The following FBXO15 variants were observed in gnomAD, a reference collection of about 807,000 sequenced individuals.
FBXO15 encodes the protein F-box only protein 15.
FBXO15 carries 30 observed loss-of-function variants against 49.5 expected under a neutral mutation model. The observed-to-expected ratio is 0.61, with a 90% confidence interval of 0.45 to 0.82. The LOEUF (loss-of-function observed/expected upper bound fraction) is 0.82, where lower values mean the gene tolerates loss of function less well. Among genes scored for constraint, FBXO15 ranks in the 40% least tolerant of loss-of-function variants. The pLI is 0.00. For missense variants in FBXO15, 591 were observed against 631.5 expected, an observed-to-expected ratio of 0.94 and a Z score of 0.69; for synonymous variants, 250 against 232.7, an observed-to-expected ratio of 1.07 and a Z score of -0.68.
chr18:74,106,051 AG>A (rs1220091952), intron 8 of FBXO15, among the ~76,000 whole-genome samples: 13 of 152,158 alleles, frequency 8.5e-5, no homozygotes, highest in Admixed American at 8.5e-4. Context: ...GAACAAGAAA[AG>A]CTTGAAGTAT....
chr18:74,109,380 G>C (rs922469669), intron 8 of FBXO15, among the ~76,000 whole-genome samples: 5 of 152,188 alleles, frequency 3.3e-5, no homozygotes, highest in Non-Finnish European at 7.3e-5. Flanking sequence ...CACTGTTGGT[G>C]GGAGTGTAAA....
At chr18:74,073,817 G>T in intron 9 of FBXO15, 87 bp from the exon 10 acceptor site, 1 of 1,477,008 alleles carries the variant, frequency 6.8e-7, no homozygotes, top group Non-Finnish European at 9.1e-7. Flanking sequence ...AAACTCACTA[G>T]AAATGCTGCG....
intron 8 of FBXO15, among the ~76,000 whole-genome samples, chr18:74,116,657 C>T (rs1914245611): frequency 6.6e-6 from 1 of 152,144 alleles, no homozygotes. Flanking sequence ...CCTGGTGTGC[C>T]CTTCCTCAGA....
intron 8 of FBXO15, among the ~76,000 whole-genome samples, chr18:74,109,885 G>T (rs533929849): frequency 6.6e-6 from 1 of 151,968 alleles, no homozygotes; most frequent in Non-Finnish European, 1.5e-5. Context: ...TGTAGATGAC[G>T]AGTTGATGAG....
intron 8 of FBXO15, chr18:74,123,119 T>C (rs1410409739): frequency 2.6e-6 from 1 of 386,326 alleles, no homozygotes; most frequent in Non-Finnish European, 4.6e-6. Flanking sequence ...GTAGAGAAGA[T>C]GAGTAGGGGC....
At chr18:74,131,112 T>C (rs1048203337) in intron 3 of FBXO15, among the ~76,000 whole-genome samples, 2 of 152,128 alleles carry the variant, frequency 1.3e-5, no homozygotes. Flanking sequence ...TGAACACTCT[T>C]TTTGCTATTT....
intron 8 of FBXO15, among the ~76,000 whole-genome samples, chr18:74,110,922 T>C (rs763325458): frequency 3.3e-5 from 5 of 152,120 alleles, no homozygotes; most frequent in Non-Finnish European, 7.4e-5. Context: ...CAAAAACTAA[T>C]AGAACAGCAA....
chr18:74,117,157 GAT>G (rs1158920480), intron 8 of FBXO15, among the ~76,000 whole-genome samples: 1 of 152,016 alleles, frequency 6.6e-6, no homozygotes, highest in Non-Finnish European at 1.5e-5. Context: ...AAGACACTCT[GAT>G]GGCAACAGCA....
chr18:74,095,479 G>A (rs1599145502), intron 8 of FBXO15, among the ~76,000 whole-genome samples: 1 of 152,176 alleles, frequency 6.6e-6, no homozygotes, highest in Non-Finnish European at 1.5e-5. Context: ...AGAAAGGCCT[G>A]AGGGGAGGGA....
Position 74,147,516 on chromosome 18 carries a change from AT to A in FBXO15, c.116+153del, listed in dbSNP as rs1979513530. 1.4e-5 allele frequency: 18 copies of A among 1,256,442 alleles called. No individual in the cohort carries two copies. In the East Asian group the frequency reaches 5.4e-4, roughly 37 times the overall value. The allele number at this position is 1,256,442 out of a possible 1,614,324, so 77.8% of individuals were successfully genotyped here. ...TACCCCACGTTGCAGGGTAGAAAGG[AT>A]TTCCTCCGGTCGTTCTTCCATACCC... On this transcript the variant is annotated intron_variant, in intron 1 of 9. Transcript: ENST00000419743.
intron 8 of FBXO15, among the ~76,000 whole-genome samples, chr18:74,084,588 A>T (rs1310024628): frequency 6.6e-6 from 1 of 152,224 alleles, no homozygotes; most frequent in African/African-American, 2.4e-5. Context: ...GCCTTCATTA[A>T]ATTCCCGTGC....
intron 8 of FBXO15, among the ~76,000 whole-genome samples, chr18:74,084,318 G>A (rs1217013167): frequency 6.6e-6 from 1 of 152,194 alleles, no homozygotes; most frequent in African/African-American, 2.4e-5. Flanking sequence ...CACTGGTGAT[G>A]CAGGCTCCTT....
Position 74,094,633 on chromosome 18 carries a change from T to C in FBXO15, c.1139-12582A>G, listed in dbSNP as rs142828132. On this transcript the variant is annotated intron_variant, in intron 8 of 9. Coordinates refer to ENST00000419743, the MANE Select transcript of FBXO15 (RefSeq NM_001142958.2). ...CAGTAAACCATGCTATAAACAGATA[T>C]GCTGTCATCTCGGCTGTGTTGTCTC... Among the ~76,000 whole-genome samples, 452 of 152,350 alleles carry C rather than the reference T, an allele frequency of 3.0e-3. 3 individuals carry two copies. Among genetic ancestry groups the C allele is most frequent in the Non-Finnish European group, 3.3e-3 (223 of 68,038 alleles).
chr18:74,147,523 C>A, intron 1 of FBXO15, 147 bp downstream of exon 1: 1 of 1,258,108 alleles, frequency 7.9e-7, no homozygotes, highest in Non-Finnish European at 1.0e-6. Context: ...AGGATTTCCT[C>A]CGGTCGTTCT....
At chr18:74,131,916 A>G (rs1331910373) in intron 3 of FBXO15, among the ~76,000 whole-genome samples, 1 of 152,148 alleles carries the variant, frequency 6.6e-6, no homozygotes, top group East Asian at 1.9e-4. Context: ...TATTTCCTTA[A>G]CCACAGCAGA....
intron 9 of FBXO15, among the ~76,000 whole-genome samples, chr18:74,079,075 T>C (rs938382988): frequency 6.6e-6 from 1 of 152,204 alleles, no homozygotes; most frequent in African/African-American, 2.4e-5. Context: ...TACACTGAAA[T>C]ATCTAGTCTA....
intron 8 of FBXO15, among the ~76,000 whole-genome samples, chr18:74,107,089 C>A (rs1225599117): frequency 6.6e-6 from 1 of 151,454 alleles, no homozygotes; most frequent in Admixed American, 6.6e-5. Flanking sequence ...TCTACATATT[C>A]TGAATTTTCA....
chr18:74,111,111 T>C (rs1005939356), intron 8 of FBXO15, among the ~76,000 whole-genome samples: 4 of 151,938 alleles, frequency 2.6e-5, no homozygotes, highest in African/African-American at 9.7e-5. Context: ...GAATGCACAT[T>C]CTTCTCAAGC....
At position 74,129,307 on chromosome 18, in the gene FBXO15, A is replaced by T. The variant is rs1978309825; in HGVS notation, c.785+98T>A. 7 of 1,054,112 alleles carry T rather than the reference A, an allele frequency of 6.6e-6. No individual in the cohort carries two copies. In the South Asian group the frequency reaches 1.1e-4, roughly 17 times the overall value. 65.3% of individuals were successfully genotyped at this position (1,054,112 alleles called of 1,614,324 possible). ...TGTACATTTAATATGTGATAAAATT[A>T]AAAAACGCTGCTCTTATTTTTTAAT... is the stretch of plus-strand genomic sequence containing the variant. On this transcript the variant is annotated intron_variant, in intron 5 of 9. Transcript: ENST00000419743.
Sources: allele counts gnomAD v4.1 joint callset (sites outside exome capture counted in the v4.1 genomes callset), GRCh38; gene constraint gnomAD v4.1.1; transcripts MANE v1.5; gene names NCBI Gene and HGNC (gene_info 2026-07-23, HGNC 2026-07-21).